Variants in CHL1 observed in about 807,000 individuals in gnomAD.
CHL1 encodes the protein neural cell adhesion molecule L1-like protein.
CHL1 carries 96 observed loss-of-function variants against 141.9 expected under a neutral mutation model. The ratio of observed to expected loss-of-function variants is 0.68; its 90% CI spans 0.57 to 0.80. The LOEUF is 0.80. Ranked by LOEUF, CHL1 falls within the 30% of genes least tolerant of loss-of-function variation. The pLI is 0.00. For missense variants in CHL1, 1,820 were observed against 1,457.2 expected, an observed-to-expected ratio of 1.25 and a Z score of -4.05; for synonymous variants, 613 against 502.2, an observed-to-expected ratio of 1.22 and a Z score of -2.95.
intron 1 of CHL1, among the ~76,000 whole-genome samples, chr3:242,057 C>G (rs1692625219): frequency 1.3e-5 from 2 of 152,008 alleles, no homozygotes; most frequent in African/African-American, 4.8e-5. Flanking sequence ...GAGTCTATCC[C>G]TCCACTATAT....
At chr3:340,969 C>A (rs1359487045) in intron 6 of CHL1, 53 bp downstream of exon 6, 5 of 1,532,512 alleles carry the variant, frequency 3.3e-6, no homozygotes, top group Non-Finnish European at 4.5e-6. Flanking sequence ...TTCTATCCAT[C>A]ATATCAATAA....
intron 15 of CHL1, among the ~76,000 whole-genome samples, chr3:373,250 C>G (rs1270549343): frequency 6.6e-6 from 1 of 152,238 alleles, no homozygotes; most frequent in African/African-American, 2.4e-5. Context: ...ACCCCTCCCC[C>G]TAGGGGCTCA....
In CHL1 at chr3:361,712, G is replaced by T. The variant is rs200312405; in HGVS notation, c.1320G>T (p.Leu440Phe). 4.5e-5 allele frequency: 73 copies of T among 1,611,656 alleles called. No homozygotes were observed. In the African/African-American group the frequency reaches 6.5e-4, roughly 14 times the overall value. The part of the protein sequence containing the change: ...ANIDVVDVRP[L>F]IQTKDGENYA... ...ATTTTCAAATAGATGTCCGTCCATT[G>T]ATACAAACCAAAGATGGAGAAAATT... The change falls in exon 13 of 28, where the codon TTG becomes TTT. Residue 440 changes from leucine (L) to phenylalanine (F), a missense_variant. By Grantham distance (22) the Leu-to-Phe change is conservative. Transcript: ENST00000256509.
At chr3:268,254 C>T (rs527318358) in intron 2 of CHL1, among the ~76,000 whole-genome samples, 2 of 152,210 alleles carry the variant, frequency 1.3e-5, no homozygotes, top group South Asian at 4.2e-4. Flanking sequence ...GATGACTAGG[C>T]CAGGCACAGT....
intron 20 of CHL1, among the ~76,000 whole-genome samples, chr3:389,986 G>GA (rs906913400): frequency 5.3e-5 from 8 of 151,950 alleles, no homozygotes; most frequent in Non-Finnish European, 1.5e-5. Flanking sequence ...ATTGGAAGAA[G>GA]AAAAAAACAC....
At position 390,822 on chromosome 3, in the gene CHL1, T is replaced by A; in HGVS notation, c.2586+6T>A. ...GACGTCTGAAAGGCTATCAGGTTTT[T>A]ATCATCATGGTTTTTCCTCTTCTTG... is the stretch of plus-strand genomic sequence containing the variant. On this transcript the variant is annotated splice_donor_region_variant and intron_variant, in intron 21 of 27. Coordinates refer to ENST00000256509, the MANE Select transcript of CHL1 (RefSeq NM_006614.4). 6.4e-6 allele frequency: 10 copies of A among 1,569,778 alleles called. No homozygotes were observed. The highest frequency in any genetic ancestry group is 8.8e-6 in the Non-Finnish European group (10 of 1,140,240).
At chr3:316,873 G>T (rs1700189026) in intron 2 of CHL1, among the ~76,000 whole-genome samples, 2 of 151,918 alleles carry the variant, frequency 1.3e-5, no homozygotes, top group African/African-American at 4.8e-5. Flanking sequence ...CTAGCATGAG[G>T]CATTAAATGC....
chr3:271,552 T>C (rs1352559310), intron 2 of CHL1, among the ~76,000 whole-genome samples: 1 of 152,212 alleles, frequency 6.6e-6, no homozygotes, highest in Non-Finnish European at 1.5e-5. Context: ...TCTCGCAAGA[T>C]ATAATGAAGA....
intron 1 of CHL1, among the ~76,000 whole-genome samples, chr3:220,601 G>T (rs950583275): frequency 6.6e-6 from 1 of 151,924 alleles, no homozygotes; most frequent in African/African-American, 2.4e-5. Context: ...CACATTCAAA[G>T]GATTTTACAC....
chr3:399,287 G>A, intron 26 of CHL1, 139 bp downstream of exon 26: 1 of 650,638 alleles, frequency 1.5e-6, no homozygotes, highest in Admixed American at 2.7e-5. Flanking sequence ...GCACTGACAG[G>A]AAAAACGTAT....
intron 1 of CHL1, chr3:197,673 C>G (rs1698470560): frequency 2.5e-6 from 1 of 394,858 alleles, no homozygotes; most frequent in Non-Finnish European, 5.0e-6. Context: ...GCGGGGAATC[C>G]ATGGACCGTG....
In CHL1 at chr3:328,159, T is replaced by C. The variant is rs747985664; in HGVS notation, c.198-8T>C. On this transcript the variant is annotated splice_polypyrimidine_tract_variant and splice_region_variant and intron_variant, in intron 4 of 27. Transcript: ENST00000256509. ...TTCAGGATTATTAAGTTCAGTTTTA[T>C]GTTTTAGATTTTCGTGGACTAAGGA... 2 of 1,598,872 alleles carry C rather than the reference T, an allele frequency of 1.3e-6. No homozygotes were observed. The highest frequency in any genetic ancestry group is 1.7e-5 in the Admixed American group (1 of 58,288).
At chr3:329,125 A>G (rs1486200437) in intron 5 of CHL1, among the ~76,000 whole-genome samples, 1 of 152,130 alleles carries the variant, frequency 6.6e-6, no homozygotes, top group African/African-American at 2.4e-5. Context: ...TGCATGGGAT[A>G]TCCATGACCA....
rs549485142 is a variant in CHL1, at chr3:340,041, C to G, written c.386-753C>G. 1.7e-3 allele frequency among the ~76,000 whole-genome samples: 266 copies of G among 152,234 alleles called. 1 individual carries two copies. Among genetic ancestry groups the G allele is most frequent in the African/African-American group, 5.7e-3 (235 of 41,542 alleles). On this transcript the variant is annotated intron_variant, in intron 5 of 27. Coordinates refer to ENST00000256509, the MANE Select transcript of CHL1 (RefSeq NM_006614.4). The stretch of plus-strand genomic sequence containing the variant: ...TTGAATATCCTTATAAATATCAATA[C>G]TTCCATAAAAATATTAAACTTTGGT...
At position 407,679 on chromosome 3, in the gene CHL1, G is replaced by A. The variant is rs1709614431; in HGVS notation, c.*1968G>A. The A allele has an allele frequency of 6.6e-6, 1 of 152,146 alleles. No individual in the cohort carries two copies. Among genetic ancestry groups the A allele is most frequent in the Non-Finnish European group, 1.5e-5 (1 of 68,022 alleles). 9.4% of individuals were successfully genotyped at this position (152,146 alleles called of 1,614,324 possible). A position where few individuals can be genotyped will look rare whatever the true frequency, so the allele number is the denominator to read the frequency against. On this transcript the variant is annotated 3_prime_UTR_variant, in exon 28 of 28. Transcript: ENST00000256509. Reference sequence around the variant, plus strand: ...GGCAAGGTTGTGACGTTCGAGCTTAGTTCTGGTGTTATTCTGTCTCCTCTT... The same window carrying A: ...GGCAAGGTTGTGACGTTCGAGCTTAATTCTGGTGTTATTCTGTCTCCTCTT...
At chr3:238,081 T>G (rs1400430001) in intron 1 of CHL1, among the ~76,000 whole-genome samples, 1 of 152,222 alleles carries the variant, frequency 6.6e-6, no homozygotes, top group Non-Finnish European at 1.5e-5. Context: ...TGTGTGTTCA[T>G]TTTTGCAGTA....
intron 2 of CHL1, among the ~76,000 whole-genome samples, chr3:254,646 G>A (rs1693994575): frequency 6.6e-6 from 1 of 152,130 alleles, no homozygotes; most frequent in Non-Finnish European, 1.5e-5. Flanking sequence ...AGAAATTTAT[G>A]TCTCACAGTT....
intron 11 of CHL1, among the ~76,000 whole-genome samples, chr3:359,714 G>C (rs564560515): frequency 6.6e-6 from 1 of 152,292 alleles, no homozygotes; most frequent in South Asian, 2.1e-4. Context: ...TTCTCAAGAA[G>C]AGTTTAGTCT....
intron 5 of CHL1, among the ~76,000 whole-genome samples, chr3:340,010 T>C (rs1382639127): frequency 6.6e-6 from 1 of 152,176 alleles, no homozygotes; most frequent in Non-Finnish European, 1.5e-5. Flanking sequence ...TCAGGAAGAA[T>C]ACATTTTGAA....
Sources: gnomAD v4.1 joint callset for allele counts (sites outside exome capture counted in the v4.1 genomes callset) on GRCh38, gnomAD v4.1.1 for gene constraint, MANE v1.5 for transcripts, NCBI Gene and HGNC (gene_info 2026-07-23, HGNC 2026-07-21) for gene names.